DNAI7: variants seen among roughly 807,000 people sequenced by gnomAD.
DNAI7 encodes cancer susceptibility 1.
In DNAI7, 78 loss-of-function variants were observed where a neutral mutation model predicts 86.6. That is an observed-to-expected ratio of 0.90 (90% CI 0.75 to 1.09). DNAI7 has a LOEUF of 1.09. Among genes scored for constraint, DNAI7 ranks in the 50% least tolerant of loss-of-function variants. The pLI is 0.00. For synonymous variants in DNAI7, 274 were observed against 273.0 expected, an observed-to-expected ratio of 1.00 and a Z score of -0.04; for missense variants, 753 against 810.2, an observed-to-expected ratio of 0.93 and a Z score of 0.86.
chr12:25,180,142 C>T (rs766901499), intron 2 of DNAI7, among the ~76,000 whole-genome samples: 4 of 152,146 alleles, frequency 2.6e-5, no homozygotes, highest in African/African-American at 4.8e-5. Flanking sequence ...ACACCAACAA[C>T]GTTTAAGCTG....
At chr12:25,136,717 AC>A (rs1309852227) in intron 9 of DNAI7, among the ~76,000 whole-genome samples, 2 of 152,232 alleles carry the variant, frequency 1.3e-5, no homozygotes, top group Non-Finnish European at 2.9e-5. Context: ...TAAATAAAAA[AC>A]AATCACAACT....
intron 7 of DNAI7, among the ~76,000 whole-genome samples, chr12:25,147,482 C>CCCCT (rs746485034): frequency 8.6e-5 from 13 of 150,524 alleles, no homozygotes; most frequent in Non-Finnish European, 1.8e-4. Flanking sequence ...TGAGACCACC[C>CCCCT]CCATCTCTAC....
downstream of DNAI7, chr12:25,108,144 G>C (rs1949348187): frequency 6.8e-7 from 1 of 1,468,780 alleles, no homozygotes. Context: ...AGCTGGGAAA[G>C]TATAGCATGA....
At chr12:25,141,608 A>G (rs1944192428) in intron 9 of DNAI7, among the ~76,000 whole-genome samples, 1 of 152,204 alleles carries the variant, frequency 6.6e-6, no homozygotes, top group African/African-American at 2.4e-5. Flanking sequence ...AGGCAGGTGG[A>G]CCATGAGGTC....
intron 9 of DNAI7, among the ~76,000 whole-genome samples, chr12:25,134,379 C>T (rs532854813): frequency 3.6e-3 from 236 of 65,332 alleles, no homozygotes; most frequent in African/African-American, 0.011. Flanking sequence ...TTTTTTGAGA[C>T]AGAGTCTCAC....
intron 9 of DNAI7, among the ~76,000 whole-genome samples, chr12:25,130,536 C>CAAAATAAAATAAAATAAAAT (rs10557708): frequency 8.2e-5 from 12 of 146,526 alleles, no homozygotes; most frequent in African/African-American, 3.2e-4. Flanking sequence ...GACTCCCTCT[C>CAAAATAAAATAAAATAAAAT]AAAATAAAAT....
At chr12:25,162,267 AGAG>A (rs1442849763) in intron 2 of DNAI7, among the ~76,000 whole-genome samples, 1 of 152,202 alleles carries the variant, frequency 6.6e-6, no homozygotes, top group Non-Finnish European at 1.5e-5. Context: ...AGGAGAGGAA[AGAG>A]GAGAGAGTCT....
At chr12:25,123,068 G>A in intron 10 of DNAI7, 143 bp downstream of exon 10, 1 of 589,198 alleles carries the variant, frequency 1.7e-6, no homozygotes, top group Non-Finnish European at 2.9e-6. Flanking sequence ...GTTAACACTG[G>A]TATCTCAGAA....
chr12:25,157,027 A>G lies in DNAI7; in HGVS notation c.198+1445T>C, dbSNP rs375053104. On this transcript the variant is annotated intron_variant, in intron 4 of 15. Coordinates refer to ENST00000395987, the MANE Select transcript of DNAI7 (RefSeq NM_018272.5). ...AACTTGGCCGGGCGCAGTGGCTCAC[A>G]CCTGTAATCCCAGCACTTTGGGAGG... Among the ~76,000 whole-genome samples the G allele has an allele frequency of 3.9e-5, 6 of 152,172 alleles. No homozygotes were observed. The South Asian group carries it at 1.2e-3, about 32-fold the overall frequency.
chr12:25,111,506 A>G (rs971392734), intron 14 of DNAI7, among the ~76,000 whole-genome samples: 1 of 152,196 alleles, frequency 6.6e-6, no homozygotes, highest in Non-Finnish European at 1.5e-5. Context: ...AAGTATATAA[A>G]ATGAGAATTG....
At chr12:25,135,019 G>A (rs1270578642) in intron 9 of DNAI7, among the ~76,000 whole-genome samples, 3 of 152,288 alleles carry the variant, frequency 2.0e-5, no homozygotes, top group East Asian at 3.9e-4. Flanking sequence ...GTGAGTGTAT[G>A]GAGACTCACA....
chr12:25,114,969 T>A, intron 12 of DNAI7, 99 bp from the exon 13 acceptor site: 1 of 852,602 alleles, frequency 1.2e-6, no homozygotes, highest in Non-Finnish European at 1.8e-6. Context: ...TATAAATTGA[T>A]CTTTCATATT....
In DNAI7 at chr12:25,174,657, C is replaced by CAT. The variant is rs1229642933; in HGVS notation, c.22-13462_22-13461dup. On this transcript the variant is annotated intron_variant, in intron 2 of 15. Coordinates refer to ENST00000395987, the MANE Select transcript of DNAI7 (RefSeq NM_018272.5). ...TATCATATATATGGAATATAGATAT[C>CAT]ATATATATGGAATATATATATCATA... Among the ~76,000 whole-genome samples, 13 of 57,994 alleles carry CAT rather than the reference C, an allele frequency of 2.2e-4. 1 individual carries two copies. The highest frequency in any genetic ancestry group is 9.7e-4 in the South Asian group (2 of 2,052). The allele number at this position is 57,994 out of a possible 152,430, so 38.0% of individuals were successfully genotyped here. A position where few individuals can be genotyped will look rare whatever the true frequency, so the allele number is the denominator to read the frequency against.
At chr12:25,124,314 A>T (rs17328054) in intron 9 of DNAI7, among the ~76,000 whole-genome samples, 11,816 of 151,814 alleles carry the variant, frequency 0.078, 700 homozygotes, top group Non-Finnish European at 0.11. Flanking sequence ...TTCTCTGCAA[A>T]CCCTTTCCAT....
chr12:25,161,334 A>T lies in DNAI7; in HGVS notation c.22-137T>A, dbSNP rs575258283. 22 of 714,876 alleles carry T rather than the reference A, an allele frequency of 3.1e-5. 1 individual carries two copies. The South Asian group carries it at 3.4e-4, about 11-fold the overall frequency. The allele number at this position is 714,876 out of a possible 1,614,324, so 44.3% of individuals were successfully genotyped here. ...TTCATGCATTCATTCAACAAATAAG[A>T]CTGCCTCTTAGTGTAAAGCTTTGAC... On this transcript the variant is annotated intron_variant, in intron 2 of 15. Transcript: ENST00000395987.
At chr12:25,176,145 A>C (rs984818665) in intron 2 of DNAI7, among the ~76,000 whole-genome samples, 2 of 152,154 alleles carry the variant, frequency 1.3e-5, no homozygotes, top group African/African-American at 2.4e-5. Flanking sequence ...TTAAAATATA[A>C]ACAAGCTTTT....
chr12:25,191,772 T>C (rs903100347), intron 1 of DNAI7, among the ~76,000 whole-genome samples: 2 of 152,204 alleles, frequency 1.3e-5, no homozygotes, highest in East Asian at 3.8e-4. Flanking sequence ...AGCAATGTGT[T>C]TTAAGGCAGA....
chr12:25,149,108 C>T (rs1183124981), intron 7 of DNAI7, among the ~76,000 whole-genome samples: 1 of 152,064 alleles, frequency 6.6e-6, no homozygotes, highest in East Asian at 1.9e-4. Flanking sequence ...ACCTCAAGCT[C>T]CCAAGTAGCT....
At chr12:25,143,505 T>G (rs1944461574) in intron 9 of DNAI7, among the ~76,000 whole-genome samples, 1 of 152,156 alleles carries the variant, frequency 6.6e-6, no homozygotes, top group African/African-American at 2.4e-5. Flanking sequence ...ATTACAGGCG[T>G]GAGCCACCAC....
Sources: allele counts gnomAD v4.1 joint callset (sites outside exome capture counted in the v4.1 genomes callset), GRCh38; gene constraint gnomAD v4.1.1; transcripts MANE v1.5; gene names NCBI Gene and HGNC (gene_info 2026-07-23, HGNC 2026-07-21).